Variants in CTNNA2 observed in about 807,000 individuals in gnomAD.
CTNNA2 encodes catenin alpha 2, also known as catenin alpha-2.
Under a neutral mutation model 101.0 loss-of-function variants are expected in CTNNA2, and 42 were observed. That is an observed-to-expected ratio of 0.42 (90% CI 0.32 to 0.54). The LOEUF (loss-of-function observed/expected upper bound fraction) is 0.54. Among genes scored for constraint, CTNNA2 ranks in the 20% least tolerant of loss-of-function variants. The pLI is 0.14. For synonymous variants in CTNNA2, 450 were observed against 456.4 expected, an observed-to-expected ratio of 0.99 and a Z score of 0.18; for missense variants, 871 against 1,223.1, an observed-to-expected ratio of 0.71 and a Z score of 4.29.
At chr2:80,101,606 T>C (rs1012325641) in intron 7 of CTNNA2, among the ~76,000 whole-genome samples, 23 of 152,230 alleles carry the variant, frequency 1.5e-4, no homozygotes, top group African/African-American at 5.3e-4. Flanking sequence ...GTTTGGGCAG[T>C]AATTCAGGTG....
chr2:79,997,550 C>T (rs780127532), intron 7 of CTNNA2, among the ~76,000 whole-genome samples: 1 of 152,148 alleles, frequency 6.6e-6, no homozygotes, highest in Non-Finnish European at 1.5e-5. Flanking sequence ...CAGTGGTTCA[C>T]TCCTCTTTAA....
At chr2:79,707,052 G>A (rs1287569843) in intron 2 of CTNNA2, among the ~76,000 whole-genome samples, 1 of 152,094 alleles carries the variant, frequency 6.6e-6, no homozygotes, top group Admixed American at 6.5e-5. Context: ...GATCAGAACT[G>A]CCATTTGCAC....
At chr2:80,624,396 GTT>G (rs1671458496) in intron 18 of CTNNA2, among the ~76,000 whole-genome samples, 1 of 151,796 alleles carries the variant, frequency 6.6e-6, no homozygotes, top group South Asian at 2.1e-4. Flanking sequence ...TTTGTTGTTT[GTT>G]TTTCTTTTTT....
At chr2:79,385,541 G>A (rs1678089381) in intron 4 of CTNNA2, among the ~76,000 whole-genome samples, 1 of 147,550 alleles carries the variant, frequency 6.8e-6, no homozygotes, top group Non-Finnish European at 1.5e-5. Flanking sequence ...TTTACTTTTA[G>A]TTCTGGGATA....
At position 79,851,237 on chromosome 2, in the gene CTNNA2, T is replaced by C. The variant is rs534670932; in HGVS notation, c.299-6776T>C. Among the ~76,000 whole-genome samples the C allele has an allele frequency of 1.7e-3, 264 of 152,350 alleles. 1 individual carries two copies. The highest frequency in any genetic ancestry group is 3.2e-3 in the Non-Finnish European group (217 of 68,042). Reference sequence around the variant, plus strand: ...TCATTTAACATTTAAGTTTGTTTTGTCTCAAATGAAGATATTTTCCCACCT... The same window carrying C: ...TCATTTAACATTTAAGTTTGTTTTGCCTCAAATGAAGATATTTTCCCACCT... On this transcript the variant is annotated intron_variant, in intron 3 of 18. Coordinates refer to ENST00000402739, the MANE Select transcript of CTNNA2 (RefSeq NM_001282597.3).
intron 1 of CTNNA2, among the ~76,000 whole-genome samples, chr2:79,567,809 A>T (rs1233176930): frequency 6.6e-6 from 1 of 152,084 alleles, no homozygotes; most frequent in Non-Finnish European, 1.5e-5. Context: ...TGAATCATCA[A>T]CTTGAATGGT....
intron 1 of CTNNA2, among the ~76,000 whole-genome samples, chr2:79,651,016 A>T (rs896759303): frequency 2.0e-5 from 3 of 152,152 alleles, no homozygotes; most frequent in African/African-American, 4.8e-5. Flanking sequence ...GTCAGGAAAC[A>T]ACAGGTGCTG....
intron 9 of CTNNA2, among the ~76,000 whole-genome samples, chr2:80,531,961 G>T (rs1690579516): frequency 6.6e-6 from 1 of 152,156 alleles, no homozygotes; most frequent in Non-Finnish European, 1.5e-5. Context: ...GGGTCATATG[G>T]TCTCTGTCAC....
chr2:80,507,248 T>A (rs1023856309), intron 9 of CTNNA2, among the ~76,000 whole-genome samples: 1 of 152,206 alleles, frequency 6.6e-6, no homozygotes, highest in Non-Finnish European at 1.5e-5. Flanking sequence ...AAGCGACGGA[T>A]GTATCTTAAC....
chr2:79,961,762 C>T (rs1052768811), intron 7 of CTNNA2, among the ~76,000 whole-genome samples: 11 of 132,232 alleles, frequency 8.3e-5, no homozygotes, highest in Non-Finnish European at 3.1e-5. Flanking sequence ...GCAGAGCCTG[C>T]GGTGAGCCGA....
intron 18 of CTNNA2, among the ~76,000 whole-genome samples, chr2:80,632,567 A>G (rs1258221981): frequency 1.3e-5 from 2 of 152,188 alleles, no homozygotes; most frequent in Non-Finnish European, 2.9e-5. Context: ...GAAAAAAATA[A>G]GATCGTAACT....
intron 3 of CTNNA2, among the ~76,000 whole-genome samples, chr2:79,759,262 G>A (rs1672613521): frequency 1.3e-5 from 2 of 152,070 alleles, no homozygotes; most frequent in Non-Finnish European, 2.9e-5. Flanking sequence ...GCACGATGAT[G>A]CGCGTCTGTA....
At chr2:79,982,339 C>CATATATAACAT (rs1691403805) in intron 7 of CTNNA2, among the ~76,000 whole-genome samples, 1 of 121,334 alleles carries the variant, frequency 8.2e-6, no homozygotes, top group Non-Finnish European at 1.7e-5. Flanking sequence ...ACATATAAAA[C>CATATATAACAT]ATATATAACC....
chr2:80,448,535 C>T (rs1261351238), intron 9 of CTNNA2, among the ~76,000 whole-genome samples: 2 of 152,132 alleles, frequency 1.3e-5, no homozygotes, highest in African/African-American at 2.4e-5. Flanking sequence ...GGGTCTCACC[C>T]CTAGAGATGC....
intron 7 of CTNNA2, among the ~76,000 whole-genome samples, chr2:80,305,730 T>C (rs1474274416): frequency 6.6e-6 from 1 of 151,922 alleles, no homozygotes; most frequent in African/African-American, 2.4e-5. Flanking sequence ...TTGTGCCTAC[T>C]GGTCTGTAGA....
intron 15 of CTNNA2, among the ~76,000 whole-genome samples, chr2:80,589,904 G>T (rs74329526): frequency 0.032 from 2,657 of 82,658 alleles, 20 homozygotes; most frequent in Non-Finnish European, 0.045. Flanking sequence ...GTGTGTGTGT[G>T]TGCGCGCGCG....
At chr2:79,410,783 C>A (rs13022497) in intron 4 of CTNNA2, among the ~76,000 whole-genome samples, 46,623 of 146,424 alleles carry the variant, frequency 0.32, 7,483 homozygotes, top group South Asian at 0.41. Context: ...TGTCTCTGCC[C>A]GGCTTTGGTA....
At chr2:79,660,385 CACAT>C (rs2104524535) in intron 2 of CTNNA2, among the ~76,000 whole-genome samples, 1 of 150,700 alleles carries the variant, frequency 6.6e-6, no homozygotes, top group East Asian at 2.0e-4. Context: ...ATATAGTATA[CACAT>C]ACATATGTGA....
At chr2:79,423,452 A>C (rs1039820435) in intron 4 of CTNNA2, among the ~76,000 whole-genome samples, 2 of 152,240 alleles carry the variant, frequency 1.3e-5, no homozygotes, top group Admixed American at 1.3e-4. Context: ...TTGTTGTTTT[A>C]AGCCATTAAG....
Sources: gnomAD v4.1 joint callset for allele counts (sites outside exome capture counted in the v4.1 genomes callset) on GRCh38, gnomAD v4.1.1 for gene constraint, MANE v1.5 for transcripts, NCBI Gene and HGNC (gene_info 2026-07-23, HGNC 2026-07-21) for gene names.